ZNF518A: variants seen among roughly 807,000 people sequenced by gnomAD.
ZNF518A encodes the protein zinc finger protein 518.
In ZNF518A, 47 loss-of-function variants were observed where a neutral mutation model predicts 102.7. That is an observed-to-expected ratio of 0.46 (90% CI 0.36 to 0.58). The LOEUF is 0.58. ZNF518A is among the 20% of genes least tolerant of loss of function. ZNF518A has a pLI of 0.00. For synonymous variants in ZNF518A, 652 were observed against 594.6 expected, an observed-to-expected ratio of 1.10 and a Z score of -1.40; for missense variants, 1,793 against 1,699.8, an observed-to-expected ratio of 1.05 and a Z score of -0.96.
downstream of ZNF518A, among the ~76,000 whole-genome samples, chr10:96,165,471 A>ATC: frequency 3.9e-5 from 1 of 25,394 alleles, no homozygotes; most frequent in Admixed American, 3.4e-4. Context: ...AACAACAACC[A>ATC]AAAAAAAAAA....
chr10:96,142,037 C>T (rs954999372), intron 3 of ZNF518A, among the ~76,000 whole-genome samples: 2 of 152,202 alleles, frequency 1.3e-5, no homozygotes, highest in Admixed American at 6.5e-5. Flanking sequence ...CCACCATGCC[C>T]AGCCTACATT....
chr10:96,159,105 A>T lies in ZNF518A; in HGVS notation c.2783A>T (p.Lys928Ile). The change falls in exon 6 of 6, where the codon AAA becomes ATA. Residue 928 changes from lysine (K) to isoleucine (I), a missense_variant. Around this residue, in one of 3 missense-constraint regions of ZNF518A, gnomAD observed 1,741 missense variants for 1,622.6 expected, o/e 1.07. Coordinates refer to ENST00000316045, the MANE Select transcript of ZNF518A (RefSeq NM_001330736.2). ...QSPLLNSEQK[K>I]TIIVQTSKGF... ...CCACTTTTAAATTCAGAACAAAAAA[A>T]AACTATAATTGTTCAGACTTCAAAA... 1 of 1,611,420 alleles carries T rather than the reference A, an allele frequency of 6.2e-7. No homozygotes were observed. The highest frequency in any genetic ancestry group is 8.5e-7 in the Non-Finnish European group (1 of 1,179,186).
At chr10:96,182,658 G>T (rs1453674807) in intron 1 of ZNF518A, among the ~76,000 whole-genome samples, 1 of 152,148 alleles carries the variant, frequency 6.6e-6, no homozygotes, top group Admixed American at 6.5e-5. Flanking sequence ...AACCAGCCTT[G>T]CATCCCACGT....
chr10:96,168,012 C>T (rs1554890537), downstream of ZNF518A, among the ~76,000 whole-genome samples: 1 of 152,184 alleles, frequency 6.6e-6, no homozygotes, highest in African/African-American at 2.4e-5. Context: ...TCTGCCCATG[C>T]TGTTATTGTC....
At chr10:96,132,977 C>T (rs2081413931) in intron 2 of ZNF518A, 1 of 152,142 alleles carries the variant, frequency 6.6e-6, no homozygotes, top group African/African-American at 2.4e-5. Context: ...AGACACTCAA[C>T]CTGTAGTTTT....
At chr10:96,155,186 T>C (rs1257817572) in intron 3 of ZNF518A, 140 bp from the exon 4 acceptor site, 1 of 152,232 alleles carries the variant, frequency 6.6e-6, no homozygotes, top group Non-Finnish European at 1.5e-5. Flanking sequence ...CCATACGTGG[T>C]AATCACATAG....
At position 96,161,236 on chromosome 10, in the gene ZNF518A, A is replaced by G. The variant is rs2082988773; in HGVS notation, c.*462A>G. Reference sequence around the variant, plus strand: ...CTCACATTTGTGAAGATACTTTGAGAGAACCTGGGTAAAGAAGTCACTCTA... The same window carrying G: ...CTCACATTTGTGAAGATACTTTGAGGGAACCTGGGTAAAGAAGTCACTCTA... On this transcript the variant is annotated 3_prime_UTR_variant, in exon 6 of 6. Transcript: ENST00000316045. 5.9e-6 allele frequency: 1 copy of G among 168,334 alleles called. No homozygotes were observed. The highest frequency in any genetic ancestry group is 2.4e-5 in the African/African-American group (1 of 41,496). 10.4% of individuals were successfully genotyped at this position (168,334 alleles called of 1,614,324 possible).
At position 96,141,241 on chromosome 10, in the gene ZNF518A, TTATG is replaced by T. The variant is rs140853486; in HGVS notation, c.-302+7596_-302+7599del. On this transcript the variant is annotated intron_variant, in intron 3 of 5. Coordinates refer to ENST00000316045, the MANE Select transcript of ZNF518A (RefSeq NM_001330736.2). ...TCTGGGGAGGTAAAAAATAATGAAA[TTATG>T]TAATAGTATAAAGCAATTTGTAATA... 6.3e-3 allele frequency among the ~76,000 whole-genome samples: 966 copies of T among 152,282 alleles called. 8 individuals carry two copies. The highest frequency in any genetic ancestry group is 9.4e-3 in the Non-Finnish European group (641 of 68,030).
intron 1 of ZNF518A, among the ~76,000 whole-genome samples, chr10:96,198,733 T>A (rs1338177938): frequency 6.6e-6 from 1 of 152,204 alleles, no homozygotes; most frequent in East Asian, 1.9e-4. Flanking sequence ...AGTCTCACTC[T>A]TGTTGCCCAG....
chr10:96,171,015 G>A (rs2083170018), intron 1 of ZNF518A, among the ~76,000 whole-genome samples: 1 of 150,604 alleles, frequency 6.6e-6, no homozygotes, highest in African/African-American at 2.4e-5. Context: ...AACCATGTGA[G>A]ATACCACTAA....
Position 96,159,279 on chromosome 10 carries a change from A to C in ZNF518A, c.2957A>C (p.Lys986Thr). 1 of 1,613,380 alleles carries C rather than the reference A, an allele frequency of 6.2e-7. No individual in the cohort carries two copies. The highest frequency in any genetic ancestry group is 8.5e-7 in the Non-Finnish European group (1 of 1,179,674). Residue 986 changes from lysine to threonine, a missense_variant, in exon 6 of 6, where the codon AAA becomes ACA. This residue lies in a region of ZNF518A where 1,741 missense variants were observed against 1,622.6 expected (regional missense o/e 1.07). Transcript: ENST00000316045. ...PGMVLTLNNG[K>T]LEGVSAVKTE... ...ATGGTTTTAACACTTAATAATGGGA[A>C]ACTTGAAGGTGTTTCCGCTGTCAAA...
downstream of ZNF518A, among the ~76,000 whole-genome samples, chr10:96,166,772 G>T (rs910035401): frequency 2.0e-5 from 3 of 151,822 alleles, no homozygotes; most frequent in African/African-American, 7.3e-5. Context: ...GTCTCAAAAA[G>T]AAAGAAAGGA....
chr10:96,165,917 T>A (rs1554890255), downstream of ZNF518A, among the ~76,000 whole-genome samples: 1 of 152,100 alleles, frequency 6.6e-6, no homozygotes, highest in African/African-American at 2.4e-5. Flanking sequence ...GACGTAGTGA[T>A]GGTGGTAGCA....
At chr10:96,204,506 T>C, downstream of ZNF518A, 1 of 1,609,516 alleles carries the variant, frequency 6.2e-7, no homozygotes. Context: ...AAGAGGAAAC[T>C]GATCTTTAAA....
At chr10:96,178,937 A>G (rs1373988398) in intron 1 of ZNF518A, among the ~76,000 whole-genome samples, 1 of 152,156 alleles carries the variant, frequency 6.6e-6, no homozygotes, top group East Asian at 1.9e-4. Flanking sequence ...ACACGAAGAA[A>G]GCTCCAGCCC....
Position 96,158,436 on chromosome 10 carries a change from A to G in ZNF518A, c.2114A>G (p.Asp705Gly). The G allele has an allele frequency of 1.2e-6, 2 of 1,613,146 alleles. No individual in the cohort carries two copies. Among genetic ancestry groups the G allele is most frequent in the South Asian group, 1.1e-5 (1 of 90,986 alleles). The change falls in exon 6 of 6, where the codon GAT (aspartate) becomes GGT (glycine). Residue 705 changes from aspartate (D) to glycine (G), a missense_variant. By Grantham distance (94) the Asp-to-Gly change is moderately conservative. Around this residue, in one of 3 missense-constraint regions of ZNF518A, gnomAD observed 1,741 missense variants for 1,622.6 expected, o/e 1.07. Transcript: ENST00000316045. ...SLLASISLLN[D>G]KDGTLKAKSE... is the part of the protein sequence containing the mutation. ...TTAGCATCTATTAGCCTTTTAAATG[A>G]TAAAGATGGAACTTTAAAAGCAAAA...
At chr10:96,152,322 G>A (rs1554880636) in intron 3 of ZNF518A, among the ~76,000 whole-genome samples, 1 of 152,074 alleles carries the variant, frequency 6.6e-6, no homozygotes, top group Non-Finnish European at 1.5e-5. Flanking sequence ...AAATAAATAA[G>A]TAAAACCAGC....
chr10:96,151,327 A>G (rs2082440437), intron 3 of ZNF518A: 1 of 152,202 alleles, frequency 6.6e-6, no homozygotes, highest in Non-Finnish European at 1.5e-5. Flanking sequence ...GCGAAAGGAC[A>G]GGGCTCTTAA....
At chr10:96,177,546 C>A (rs1334623335) in intron 1 of ZNF518A, among the ~76,000 whole-genome samples, 1 of 151,996 alleles carries the variant, frequency 6.6e-6, no homozygotes, top group Non-Finnish European at 1.5e-5. Flanking sequence ...AAATGTATGA[C>A]AACAGTAGCA....
Sources: allele counts gnomAD v4.1 joint callset (sites outside exome capture counted in the v4.1 genomes callset), GRCh38; gene constraint gnomAD v4.1.1; regional missense constraint gnomAD v4.1.1; transcripts MANE v1.5; gene names NCBI Gene and HGNC (gene_info 2026-07-23, HGNC 2026-07-21).